The following NEURL1B variants were observed in gnomAD, a reference collection of about 807,000 sequenced individuals.
The protein encoded by NEURL1B is E3 ubiquitin-protein ligase NEURL1B.
Under a neutral mutation model 37.4 loss-of-function variants are expected in NEURL1B, and 13 were observed. That is an observed-to-expected ratio of 0.35 (90% CI 0.23 to 0.55). NEURL1B has a LOEUF of 0.55. Among genes scored for constraint, NEURL1B ranks in the 20% least tolerant of loss-of-function variants. The probability of loss-of-function intolerance (pLI) is 0.89; values close to 1 mark genes in which losing one functional copy is unlikely to be tolerated. For synonymous variants in NEURL1B, 432 were observed against 426.6 expected (o/e 1.01, Z -0.16); for missense variants, 790 against 879.2 (o/e 0.90, Z 1.28).
chr5:172,674,930 C>T (rs1429096318), intron 2 of NEURL1B, among the ~76,000 whole-genome samples: 2 of 152,144 alleles, frequency 1.3e-5, no homozygotes, highest in East Asian at 1.9e-4. Flanking sequence ...AGAGCTGTGG[C>T]GCAATCTTGG....
intron 1 of NEURL1B, among the ~76,000 whole-genome samples, chr5:172,667,375 G>A (rs1426449789): frequency 1.3e-5 from 2 of 150,894 alleles, no homozygotes; most frequent in African/African-American, 2.4e-5. Flanking sequence ...AAACCCAAGA[G>A]GTGGAGGTTG....
rs1209330395 is a variant in NEURL1B at position 172,686,862 on chromosome 5, C to T, written c.1605C>T (p.Ala535=). Reference sequence around the variant, plus strand: ...GCGGCCTGCGGCTCAAGCGACAGGCCCGGGCCTGCTGCCCCATCTGCCGGC... The same window carrying T: ...GCGGCCTGCGGCTCAAGCGACAGGCTCGGGCCTGCTGCCCCATCTGCCGGC... ...HSCGLRLKRQ[A]RACCPICRRP... is the part of the protein sequence containing the mutation. The change falls in exon 5 of 5, where the codon GCC becomes GCT. Residue 535 remains alanine, a synonymous_variant. Transcript: ENST00000369800. The surrounding 1 kb of genome is among the most constrained non-coding windows in gnomAD (Gnocchi z 7.9). 1.3e-6 allele frequency: 2 copies of T among 1,550,544 alleles called. No homozygotes were observed. Among genetic ancestry groups the T allele is most frequent in the African/African-American group, 1.4e-5 (1 of 73,046 alleles).
intron 1 of NEURL1B, among the ~76,000 whole-genome samples, chr5:172,652,192 C>T (rs537166751): frequency 3.7e-4 from 56 of 152,304 alleles, no homozygotes; most frequent in Admixed American, 1.2e-3. Flanking sequence ...GGGGCTGACC[C>T]GCAGGGTGCT....
chr5:172,664,833 A>C (rs1463203397), intron 1 of NEURL1B, among the ~76,000 whole-genome samples: 2 of 152,210 alleles, frequency 1.3e-5, no homozygotes, highest in Non-Finnish European at 2.9e-5. Context: ...TTGGGGAGGA[A>C]AAAAATAAAG....
chr5:172,656,228 G>A (rs1234727886), intron 1 of NEURL1B, among the ~76,000 whole-genome samples: 3 of 152,160 alleles, frequency 2.0e-5, no homozygotes, highest in Admixed American at 2.0e-4. Flanking sequence ...TAGAGCAGGT[G>A]ACCAGAATGA....
At chr5:172,664,427 A>T (rs1757969560) in intron 1 of NEURL1B, among the ~76,000 whole-genome samples, 1 of 151,570 alleles carries the variant, frequency 6.6e-6, no homozygotes, top group Non-Finnish European at 1.5e-5. Context: ...CTCATGTGGG[A>T]TCAGGACTGG....
intron 1 of NEURL1B, among the ~76,000 whole-genome samples, chr5:172,645,527 C>T (rs1431647870): frequency 1.3e-5 from 2 of 152,158 alleles, no homozygotes; most frequent in Non-Finnish European, 2.9e-5. Context: ...GGGAGGACAG[C>T]GACCCTTGTC....
chr5:172,646,755 G>A (rs559546971), intron 1 of NEURL1B, among the ~76,000 whole-genome samples: 22 of 152,276 alleles, frequency 1.4e-4, no homozygotes, highest in Admixed American at 1.4e-3. Flanking sequence ...TGGAGGAGGT[G>A]CGCTCTGTCT....
At chr5:172,678,685 T>C (rs1758287251) in intron 2 of NEURL1B, among the ~76,000 whole-genome samples, 1 of 152,206 alleles carries the variant, frequency 6.6e-6, no homozygotes, top group Non-Finnish European at 1.5e-5. Context: ...GGTTGGCCAG[T>C]AACCCGGTGT....
intron 2 of NEURL1B, among the ~76,000 whole-genome samples, chr5:172,682,557 C>G (rs1237809010): frequency 6.6e-6 from 1 of 152,154 alleles, no homozygotes; most frequent in African/African-American, 2.4e-5. Context: ...GCCTGGGTGA[C>G]AAGAGCGGAA....
At chr5:172,648,814 G>A (rs1251571559) in intron 1 of NEURL1B, among the ~76,000 whole-genome samples, 1 of 152,250 alleles carries the variant, frequency 6.6e-6, no homozygotes, top group Non-Finnish European at 1.5e-5. Context: ...GCCCTCTCCA[G>A]GCAGCCTGTG....
At position 172,675,869 on chromosome 5, in the gene NEURL1B, A is replaced by G. The variant is rs897780904; in HGVS notation, c.577+5539A>G. Among the ~76,000 whole-genome samples the G allele has an allele frequency of 2.0e-5, 3 of 152,022 alleles. No individual in the cohort carries two copies. The highest frequency in any genetic ancestry group is 4.4e-5 in the Non-Finnish European group (3 of 68,006). On this transcript the variant is annotated intron_variant, in intron 2 of 4. Transcript: ENST00000369800. This position sits in a 1 kb window ranked among gnomAD's most constrained non-coding sequence, Gnocchi z 4.7. ...GAGTTTGTAGCATTTCACATTTCAG[A>G]TTTTCAGATCAGGGATACTCAACTT...
At chr5:172,664,765 CA>C (rs1259296880) in intron 1 of NEURL1B, among the ~76,000 whole-genome samples, 1 of 152,188 alleles carries the variant, frequency 6.6e-6, no homozygotes, top group Admixed American at 6.5e-5. Flanking sequence ...GTAAATAACA[CA>C]TCCTCTTAGA....
chr5:172,684,308 A>C (rs1460211606), intron 3 of NEURL1B, among the ~76,000 whole-genome samples, 170 bp downstream of exon 3: 1 of 151,778 alleles, frequency 6.6e-6, no homozygotes, highest in Non-Finnish European at 1.5e-5. Context: ...CCCGTCCAAA[A>C]TTGCCGGACT....
intron 1 of NEURL1B, among the ~76,000 whole-genome samples, chr5:172,666,624 A>G (rs1758020256): frequency 6.6e-6 from 1 of 152,202 alleles, no homozygotes; most frequent in South Asian, 2.1e-4. Context: ...AAACTGGAGC[A>G]TAGTAGCCAG....
intron 1 of NEURL1B, among the ~76,000 whole-genome samples, chr5:172,668,780 C>T (rs142115641): frequency 1.2e-3 from 185 of 152,272 alleles, no homozygotes; most frequent in African/African-American, 4.2e-3. Flanking sequence ...CCAGAGCCCC[C>T]CAGGAACCGC....
rs1581431684 is a variant in NEURL1B, at chr5:172,670,122, C to G, written c.369C>G (p.Val123=). 2 of 1,519,624 alleles carry G rather than the reference C, an allele frequency of 1.3e-6. No homozygotes were observed. The highest frequency in any genetic ancestry group is 1.7e-4 in the Middle Eastern group (1 of 5,926). 94.1% of individuals were successfully genotyped at this position (1,519,624 alleles called of 1,614,324 possible). ...DIPKYACPDL[V]TRPGYWAKAL... ...CCAAGTACGCCTGCCCGGACCTGGTCACGCGGCCGGGCTACTGGGCCAAGG... is the reference window on the plus strand; with the variant it reads ...CCAAGTACGCCTGCCCGGACCTGGTGACGCGGCCGGGCTACTGGGCCAAGG... Residue 123 remains valine (V), a synonymous_variant, in exon 2 of 5, where the codon GTC becomes GTG. Coordinates refer to ENST00000369800, the MANE Select transcript of NEURL1B (RefSeq NM_001142651.3).
intron 1 of NEURL1B, among the ~76,000 whole-genome samples, chr5:172,660,496 G>A (rs983589331): frequency 7.9e-5 from 12 of 152,350 alleles, no homozygotes; most frequent in Non-Finnish European, 1.3e-4. Context: ...AGTTACCAGC[G>A]CGGGCTGGCC....
At chr5:172,654,921 T>C (rs1757737525) in intron 1 of NEURL1B, among the ~76,000 whole-genome samples, 1 of 152,194 alleles carries the variant, frequency 6.6e-6, no homozygotes, top group South Asian at 2.1e-4. Context: ...TTTTCTTAAC[T>C]ACTTGTATAT....
Sources: allele counts gnomAD v4.1 joint callset (sites outside exome capture counted in the v4.1 genomes callset), GRCh38; gene constraint gnomAD v4.1.1; non-coding constraint Gnocchi (gnomAD v3.1); transcripts MANE v1.5; gene names NCBI Gene and HGNC (gene_info 2026-07-23, HGNC 2026-07-21).